The following OXR1 variants were observed in gnomAD, a reference collection of about 807,000 sequenced individuals.
The protein encoded by OXR1 is oxidation resistance protein 1.
Under a neutral mutation model 104.6 loss-of-function variants are expected in OXR1, and 41 were observed. The observed-to-expected ratio is 0.39, with a 90% CI of 0.31 to 0.51. The LOEUF (loss-of-function observed/expected upper bound fraction) is 0.51, where lower values mean the gene tolerates loss of function less well. OXR1 is among the 20% of genes least tolerant of loss of function. OXR1 has a pLI of 0.77. For synonymous variants in OXR1, 348 were observed against 348.4 expected, an observed-to-expected ratio of 1.00 and a Z score of 0.01; for missense variants, 955 against 1,031.9, an observed-to-expected ratio of 0.93 and a Z score of 1.02.
At chr8:106,412,868 G>A (rs972192267) in intron 2 of OXR1, among the ~76,000 whole-genome samples, 4 of 151,590 alleles carry the variant, frequency 2.6e-5, no homozygotes, top group African/African-American at 7.3e-5. Context: ...GGGTAATGAC[G>A]TGTACATGTA....
chr8:106,337,708 T>C (rs1039233086), intron 1 of OXR1, among the ~76,000 whole-genome samples: 5 of 152,352 alleles, frequency 3.3e-5, no homozygotes, highest in Middle Eastern at 3.4e-3. Context: ...GTCATATCTT[T>C]TCCTTCATGA....
intron 3 of OXR1, among the ~76,000 whole-genome samples, chr8:106,610,709 T>C (rs1820752369): frequency 6.6e-6 from 1 of 152,174 alleles, no homozygotes; most frequent in African/African-American, 2.4e-5. Context: ...TACATAATCC[T>C]ACTTGCCTGA....
intron 8 of OXR1, among the ~76,000 whole-genome samples, chr8:106,704,393 C>CTTTTTTTTTTTTTTTT (rs71307084): frequency 8.4e-5 from 4 of 47,884 alleles, no homozygotes; most frequent in East Asian, 6.3e-4. Context: ...CTTTCTTCTT[C>CTTTTTTTTTTTTTTTT]TTTTTTTTTT....
chr8:106,729,149 C>A (rs1833625095), intron 11 of OXR1, among the ~76,000 whole-genome samples: 1 of 152,042 alleles, frequency 6.6e-6, no homozygotes, highest in Non-Finnish European at 1.5e-5. Flanking sequence ...ATATGAGTTA[C>A]CTTATTTAAT....
chr8:106,519,416 A>ATC (rs1351242893), intron 3 of OXR1, among the ~76,000 whole-genome samples: 3 of 151,982 alleles, frequency 2.0e-5, no homozygotes, highest in Non-Finnish European at 2.9e-5. Context: ...CACATATACT[A>ATC]TCTCTCTCTC....
At chr8:106,544,679 C>T (rs17257240) in intron 3 of OXR1, among the ~76,000 whole-genome samples, 10,689 of 152,056 alleles carry the variant, frequency 0.07, 411 homozygotes, top group Admixed American at 0.1. Context: ...TCACAAGAGA[C>T]GGATTTTCCC....
chr8:106,704,535 A>G (rs1830950626), intron 8 of OXR1, among the ~76,000 whole-genome samples: 1 of 150,682 alleles, frequency 6.6e-6, no homozygotes, highest in Non-Finnish European at 1.5e-5. Context: ...GTAGCTGAGA[A>G]TACAGACACC....
At chr8:106,408,105 C>T (rs187817479) in intron 2 of OXR1, among the ~76,000 whole-genome samples, 15 of 152,244 alleles carry the variant, frequency 9.9e-5, no homozygotes, top group Admixed American at 3.9e-4. Flanking sequence ...ATGCACAGGA[C>T]GGCCCATGCT....
At chr8:106,532,123 G>A (rs1007222584) in intron 3 of OXR1, among the ~76,000 whole-genome samples, 4 of 152,206 alleles carry the variant, frequency 2.6e-5, no homozygotes, top group African/African-American at 7.2e-5. Context: ...AGTCTTGTGT[G>A]CTACACCATG....
chr8:106,524,127 T>C (rs1232682845), intron 3 of OXR1, among the ~76,000 whole-genome samples: 1 of 152,174 alleles, frequency 6.6e-6, no homozygotes, highest in Non-Finnish European at 1.5e-5. Context: ...CATAAAACCA[T>C]TTGAATTTGA....
intron 2 of OXR1, 95 bp downstream of exon 2, chr8:106,359,731 G>A (rs1433928544): frequency 2.2e-6 from 2 of 915,164 alleles, no homozygotes; most frequent in Non-Finnish European, 3.5e-6. Context: ...TGGGCAGAGA[G>A]AAAACTTAAA....
At chr8:106,633,028 G>T (rs1822823914) in intron 3 of OXR1, among the ~76,000 whole-genome samples, 1 of 151,920 alleles carries the variant, frequency 6.6e-6, no homozygotes. Context: ...AAGCTCAGGA[G>T]TTCAAGACAA....
intron 15 of OXR1, among the ~76,000 whole-genome samples, chr8:106,742,925 A>G (rs2131583415): frequency 6.6e-6 from 1 of 152,352 alleles, no homozygotes; most frequent in African/African-American, 2.4e-5. Flanking sequence ...AAGCAGTTGC[A>G]ACAGAAGCAA....
chr8:106,370,006 G>A (rs978905768), intron 2 of OXR1, among the ~76,000 whole-genome samples: 7 of 152,130 alleles, frequency 4.6e-5, no homozygotes, highest in African/African-American at 9.7e-5. Context: ...CCATTTTCAC[G>A]ACATTGATTC....
At chr8:106,450,250 ATT>A (rs1820239849) in intron 2 of OXR1, among the ~76,000 whole-genome samples, 1 of 152,154 alleles carries the variant, frequency 6.6e-6, no homozygotes, top group Admixed American at 6.5e-5. Flanking sequence ...TTTCTTAGTG[ATT>A]AAGTGATCAA....
intron 3 of OXR1, among the ~76,000 whole-genome samples, chr8:106,560,151 C>A (rs1048532037): frequency 6.6e-6 from 1 of 151,970 alleles, no homozygotes; most frequent in African/African-American, 2.4e-5. Flanking sequence ...AGCCCAGGAG[C>A]CTATATTTTA....
intron 3 of OXR1, among the ~76,000 whole-genome samples, chr8:106,611,486 G>A (rs1221658451): frequency 2.6e-5 from 4 of 152,204 alleles, no homozygotes; most frequent in Non-Finnish European, 5.9e-5. Context: ...ATTTTGTATG[G>A]AGGTCAAGGG....
At chr8:106,697,546 T>C (rs1359524247) in intron 7 of OXR1, 11 of 1,611,654 alleles carry the variant, frequency 6.8e-6, no homozygotes, top group Non-Finnish European at 9.3e-6. Context: ...AGGATTCTCC[T>C]TGGATTTCTT....
At chr8:106,693,424 CTTTTTTTTTTTT>C (rs11384137) in intron 7 of OXR1, among the ~76,000 whole-genome samples, 1 of 97,556 alleles carries the variant, frequency 1.0e-5, no homozygotes, top group Non-Finnish European at 2.0e-5. Flanking sequence ...TAGTCAGAAT[CTTTTTTTTTTTT>C]TTTTTTTTTT....
Sources: gnomAD v4.1 joint callset for allele counts (sites outside exome capture counted in the v4.1 genomes callset) on GRCh38, gnomAD v4.1.1 for gene constraint, MANE v1.5 for transcripts, NCBI Gene and HGNC (gene_info 2026-07-23, HGNC 2026-07-21) for gene names.